Variants in ROBO1 observed in about 807,000 individuals in gnomAD.
ROBO1 encodes roundabout homolog 1.
In ROBO1, 149 loss-of-function variants were observed where a neutral mutation model predicts 195.9. The observed-to-expected ratio is 0.76, with a 90% CI of 0.67 to 0.87. The LOEUF (loss-of-function observed/expected upper bound fraction) is 0.87, where lower values mean the gene tolerates loss of function less well. Ranked by LOEUF, ROBO1 falls within the 40% of genes least tolerant of loss-of-function variation. The pLI, the probability that ROBO1 is intolerant of heterozygous loss-of-function variation, is 0.00. For missense variants in ROBO1, 1,933 were observed against 2,068.3 expected, an observed-to-expected ratio of 0.93 and a Z score of 1.27; for synonymous variants, 816 against 733.2, an observed-to-expected ratio of 1.11 and a Z score of -1.82.
chr3:79,049,012 C>T (rs1198583083), intron 3 of ROBO1, among the ~76,000 whole-genome samples: 4 of 152,136 alleles, frequency 2.6e-5, no homozygotes, highest in Non-Finnish European at 5.9e-5. Flanking sequence ...CACACATCCT[C>T]ACCAGCAAGG....
rs773231360 is a variant in ROBO1, at chr3:79,475,567, C to CA, written c.88+114256dup. On this transcript the variant is annotated intron_variant, in intron 2 of 30. Coordinates refer to ENST00000464233, the MANE Select transcript of ROBO1 (RefSeq NM_002941.4). ...ACCACAAATATTGATTAGAATAGAA[C>CA]AAAAAAACTTGGAGGAGAGTATTTT... Among the ~76,000 whole-genome samples the CA allele has an allele frequency of 5.9e-5, 9 of 151,760 alleles. No homozygotes were observed. The East Asian group carries it at 1.4e-3, about 23-fold the overall frequency.
chr3:79,276,219 A>G (rs2031024823), intron 2 of ROBO1, among the ~76,000 whole-genome samples: 1 of 152,082 alleles, frequency 6.6e-6, no homozygotes, highest in African/African-American at 2.4e-5. Context: ...TTCACTTCAA[A>G]TTATACTACA....
intron 8 of ROBO1, among the ~76,000 whole-genome samples, chr3:78,701,046 G>A (rs1402024797): frequency 2.0e-5 from 3 of 152,180 alleles, no homozygotes; most frequent in Non-Finnish European, 2.9e-5. Flanking sequence ...TTACAGGCGT[G>A]AGCCACCATG....
Position 79,759,423 on chromosome 3 carries a change from G to A in ROBO1, c.-51+8329C>T, listed in dbSNP as rs78934786. Among the ~76,000 whole-genome samples the A allele has an allele frequency of 7.1e-3, 1,084 of 152,274 alleles. 4 individuals are homozygous for A. The highest frequency in any genetic ancestry group is 0.012 in the Non-Finnish European group (788 of 68,004). ...GCAAATGGTCAGTCATGCAACAGTC[G>A]TACAGTGAGTCATGCTTCTTCCTTC... On this transcript the variant is annotated intron_variant, in intron 1 of 30. Transcript: ENST00000464233.
chr3:78,639,714 T>C (rs748032722), intron 22 of ROBO1, 30 bp downstream of exon 22: 6 of 1,593,384 alleles, frequency 3.8e-6, no homozygotes, highest in African/African-American at 1.3e-5. Context: ...AAAAAGCTTA[T>C]ACATATCAGG....
chr3:79,214,874 C>T (rs2082028182), intron 2 of ROBO1, among the ~76,000 whole-genome samples: 2 of 148,834 alleles, frequency 1.3e-5, no homozygotes, highest in Non-Finnish European at 3.0e-5. Context: ...TCTTCCCTAA[C>T]CGCCCTCAAC....
intron 2 of ROBO1, among the ~76,000 whole-genome samples, chr3:79,372,942 G>A (rs957731572): frequency 1.7e-4 from 26 of 151,278 alleles, no homozygotes; most frequent in Admixed American, 1.1e-3. Context: ...GGGTACATGC[G>A]CAGGTTTGTT....
chr3:79,747,312 A>T (rs1488131335), intron 1 of ROBO1, among the ~76,000 whole-genome samples: 1 of 152,078 alleles, frequency 6.6e-6, no homozygotes, highest in African/African-American at 2.4e-5. Flanking sequence ...AGGAGGTTTG[A>T]AATGGTAATA....
At chr3:78,716,925 T>A (rs2081916377) in intron 7 of ROBO1, among the ~76,000 whole-genome samples, 1 of 152,164 alleles carries the variant, frequency 6.6e-6, no homozygotes, top group Non-Finnish European at 1.5e-5. Context: ...GGCTCATAGA[T>A]ACATCCTTAA....
intron 4 of ROBO1, among the ~76,000 whole-genome samples, chr3:78,807,297 T>C (rs969638534): frequency 2.0e-5 from 3 of 152,232 alleles, no homozygotes; most frequent in African/African-American, 7.2e-5. Flanking sequence ...GTTTAAACAA[T>C]GTCACAGAGA....
intron 4 of ROBO1, among the ~76,000 whole-genome samples, chr3:78,861,104 T>A: frequency 6.6e-6 from 1 of 152,154 alleles, no homozygotes; most frequent in East Asian, 1.9e-4. Flanking sequence ...AATTTCCTTC[T>A]CAAATTTTTA....
intron 16 of ROBO1, chr3:78,660,180 T>TA (rs918790029): frequency 1.8e-5 from 3 of 168,444 alleles, no homozygotes; most frequent in African/African-American, 7.2e-5. Flanking sequence ...CTCAGCCTCC[T>TA]AAAGTGCTGG....
chr3:79,242,443 C>A (rs2082537158), intron 2 of ROBO1, among the ~76,000 whole-genome samples: 1 of 151,990 alleles, frequency 6.6e-6, no homozygotes. Flanking sequence ...GCCATAGGGG[C>A]ACAAGGATAA....
intron 2 of ROBO1, among the ~76,000 whole-genome samples, chr3:79,412,646 T>C (rs1035555101): frequency 5.9e-5 from 9 of 152,058 alleles, no homozygotes; most frequent in African/African-American, 2.2e-4. Context: ...TAAACAATCA[T>C]CTTTCTTACT....
intron 3 of ROBO1, among the ~76,000 whole-genome samples, chr3:78,982,885 T>A (rs984491398): frequency 6.6e-6 from 1 of 152,040 alleles, no homozygotes; most frequent in Non-Finnish European, 1.5e-5. Context: ...TCCCAAAGTG[T>A]TGGGATTACA....
intron 2 of ROBO1, among the ~76,000 whole-genome samples, chr3:79,220,719 T>G (rs2108824687): frequency 6.6e-6 from 1 of 152,196 alleles, no homozygotes; most frequent in Admixed American, 6.6e-5. Context: ...CCTTATTAAA[T>G]AAATCATGAC....
chr3:78,625,494 G>A (rs982394311), intron 26 of ROBO1, among the ~76,000 whole-genome samples: 1 of 152,184 alleles, frequency 6.6e-6, no homozygotes. Flanking sequence ...GACACATGGT[G>A]AAGTTCAACT....
At chr3:78,904,848 A>G (rs1225926403) in intron 4 of ROBO1, among the ~76,000 whole-genome samples, 1 of 151,870 alleles carries the variant, frequency 6.6e-6, no homozygotes, top group Non-Finnish European at 1.5e-5. Flanking sequence ...AAGAAATTCT[A>G]CTTCAAGTGT....
Position 79,589,866 on chromosome 3 carries a change from T to C in ROBO1, c.46A>G (p.Ser16Gly), listed in dbSNP as rs370464899. 1.9e-6 allele frequency: 3 copies of C among 1,611,208 alleles called. No homozygotes were observed. Residue 16 changes from serine to glycine, a missense_variant, in exon 2 of 31, where the codon AGC becomes GGC. Coordinates refer to ENST00000464233, the MANE Select transcript of ROBO1 (RefSeq NM_002941.4). The stretch of plus-strand genomic sequence containing the variant: ...AGAAACAGGTGATTTGGGGATAAGC[T>C]GAGGAGTGATATCATGACCAAAAAA... Reference protein sequence around the residue: ...VPFLVMISLLSLSPNHLFLAQ... With the variant: ...VPFLVMISLLGLSPNHLFLAQ...
Sources: gnomAD v4.1 joint callset for allele counts (sites outside exome capture counted in the v4.1 genomes callset) on GRCh38, gnomAD v4.1.1 for gene constraint, MANE v1.5 for transcripts, NCBI Gene and HGNC (gene_info 2026-07-23, HGNC 2026-07-21) for gene names.